The following DOCK2 variants were observed in gnomAD, a reference collection of about 807,000 sequenced individuals.
DOCK2 encodes dedicator of cytokinesis protein 2.
A neutral mutation model predicts 248.9 loss-of-function variants in DOCK2; 87 were observed. The ratio of observed to expected loss-of-function variants is 0.35; its 90% CI spans 0.29 to 0.42. The LOEUF is 0.42. Ranked by LOEUF, DOCK2 falls within the 10% of genes least tolerant of loss-of-function variation. The pLI is 1.00. For synonymous variants in DOCK2, 805 were observed against 821.6 expected, an observed-to-expected ratio of 0.98 and a Z score of 0.35; for missense variants, 1,747 against 2,300.2, an observed-to-expected ratio of 0.76 and a Z score of 4.92.
At chr5:169,903,490 C>A (rs1774072513) in intron 27 of DOCK2, among the ~76,000 whole-genome samples, 1 of 137,040 alleles carries the variant, frequency 7.3e-6, no homozygotes, top group Admixed American at 7.7e-5. Context: ...GCAGGGTTGT[C>A]TATTGTGAGC....
At chr5:170,012,353 G>A (rs188301414) in intron 32 of DOCK2, among the ~76,000 whole-genome samples, 39 of 152,226 alleles carry the variant, frequency 2.6e-4, no homozygotes, top group African/African-American at 8.9e-4. Context: ...TTTTTTCAAA[G>A]ATGACTGATA....
Position 169,708,181 on chromosome 5 carries a change from G to C in DOCK2, c.1396G>C (p.Val466Leu), listed in dbSNP as rs200560235. ...TTTCTTGGGTCAGAATGCAATTTGC[G>C]TGGGAGCAGGGGACAAGCCCATGAA... ...DGKTLPNAIC[V>L]GAGDKPMNEY... Residue 466 changes from valine to leucine, a missense_variant, in exon 15 of 52, where the codon GTG becomes CTG. By Grantham distance (32) the Val-to-Leu change is conservative. Transcript: ENST00000520908. The C allele has an allele frequency of 6.2e-7, 1 of 1,613,882 alleles. No homozygotes were observed. Among genetic ancestry groups the C allele is most frequent in the Admixed American group, 1.7e-5 (1 of 60,000 alleles).
At position 169,747,380 on chromosome 5, in the gene DOCK2, A is replaced by C; in HGVS notation, c.2268-16A>C. The C allele has an allele frequency of 6.2e-7, 1 of 1,606,492 alleles. No homozygotes were observed. The highest frequency in any genetic ancestry group is 8.5e-7 in the Non-Finnish European group (1 of 1,176,118). On this transcript the variant is annotated splice_polypyrimidine_tract_variant and intron_variant, in intron 22 of 51. Coordinates refer to ENST00000520908, the MANE Select transcript of DOCK2 (RefSeq NM_004946.3). ...TCTGTTAGCTTGAGAAATGACCCAG[A>C]TGTATCTTGTTTCAGGCTTTATGAA... is the stretch of plus-strand genomic sequence containing the variant.
intron 1 of DOCK2, among the ~76,000 whole-genome samples, chr5:169,646,821 T>C (rs1487596265): frequency 6.6e-6 from 1 of 152,248 alleles, no homozygotes; most frequent in Non-Finnish European, 1.5e-5. Context: ...ACAATAGGTA[T>C]AGCCAAAGCA....
chr5:169,929,636 G>A (rs1028094794), intron 27 of DOCK2, among the ~76,000 whole-genome samples: 8 of 151,838 alleles, frequency 5.3e-5, no homozygotes, highest in African/African-American at 1.7e-4. Context: ...CCTGCTACTC[G>A]GAGGCTGAGG....
intron 17 of DOCK2, among the ~76,000 whole-genome samples, chr5:169,712,814 A>G (rs1761657819): frequency 1.3e-5 from 2 of 152,222 alleles, no homozygotes; most frequent in South Asian, 4.1e-4. Context: ...TTTTTACATT[A>G]TGAGACTTGG....
intron 27 of DOCK2, among the ~76,000 whole-genome samples, chr5:169,925,421 A>G (rs1400907055): frequency 6.6e-6 from 1 of 152,068 alleles, no homozygotes; most frequent in Non-Finnish European, 1.5e-5. Flanking sequence ...CTTTACTAAA[A>G]TTACAAAAAT....
At chr5:170,011,132 G>T (rs1281659680) in intron 32 of DOCK2, among the ~76,000 whole-genome samples, 2 of 152,134 alleles carry the variant, frequency 1.3e-5, no homozygotes, top group Non-Finnish European at 2.9e-5. Flanking sequence ...TAAGTAAATT[G>T]GATGAAAGCA....
intron 27 of DOCK2, among the ~76,000 whole-genome samples, chr5:169,842,867 G>C (rs17560224): frequency 0.096 from 14,610 of 152,178 alleles, 739 homozygotes; most frequent in African/African-American, 0.12. Flanking sequence ...CCAGTCCTAT[G>C]AGCCTTTTGT....
In DOCK2 at chr5:170,057,581, C is replaced by A; in HGVS notation, c.4382C>A (p.Ser1461Tyr). Residue 1461 changes from serine (S) to tyrosine (Y), a missense_variant and splice_region_variant, in exon 44 of 52, where the codon TCC becomes TAC. Physicochemically the swap from Ser to Tyr is moderately radical, Grantham distance 144 (BLOSUM62 -2). Coordinates refer to ENST00000520908, the MANE Select transcript of DOCK2 (RefSeq NM_004946.3). ...GTVDPENEFA[S>Y]MWIERTSFVT... is the part of the protein sequence containing the mutation. Reference sequence around the variant, plus strand: ...TGCCACCCCTCTGCCCACGGACAGTCCATGTGGATTGAGAGAACCTCCTTC... The same window carrying A: ...TGCCACCCCTCTGCCCACGGACAGTACATGTGGATTGAGAGAACCTCCTTC... 1 of 1,613,890 alleles carries A rather than the reference C, an allele frequency of 6.2e-7. No homozygotes were observed. Among genetic ancestry groups the A allele is most frequent in the Non-Finnish European group, 8.5e-7 (1 of 1,179,774 alleles).
At chr5:169,955,028 A>G (rs565135348) in intron 27 of DOCK2, among the ~76,000 whole-genome samples, 1 of 152,372 alleles carries the variant, frequency 6.6e-6, no homozygotes, top group South Asian at 2.1e-4. Context: ...TTGGAAGAGC[A>G]GTCACAGGTC....
intron 26 of DOCK2, among the ~76,000 whole-genome samples, chr5:169,830,190 T>C (rs960990936): frequency 1.4e-4 from 21 of 152,234 alleles, no homozygotes; most frequent in African/African-American, 5.1e-4. Context: ...AAGCTTTAGA[T>C]TTCCTCATTT....
intron 26 of DOCK2, among the ~76,000 whole-genome samples, chr5:169,835,181 G>A (rs1004840124): frequency 1.1e-4 from 17 of 151,402 alleles, no homozygotes; most frequent in African/African-American, 3.9e-4. Context: ...AAATTATACC[G>A]TAAGTGTATG....
chr5:170,046,467 TC>T (rs1361684059), intron 39 of DOCK2, among the ~76,000 whole-genome samples: 1 of 151,944 alleles, frequency 6.6e-6, no homozygotes, highest in African/African-American at 2.4e-5. Context: ...CTCCCGCCCA[TC>T]CTCCCCACAT....
At chr5:169,721,898 C>T (rs946061145) in intron 22 of DOCK2, among the ~76,000 whole-genome samples, 1 of 152,230 alleles carries the variant, frequency 6.6e-6, no homozygotes, top group Non-Finnish European at 1.5e-5. Flanking sequence ...TCTTGTGTCA[C>T]TAGCTCCTGA....
chr5:169,896,907 G>A (rs1049974588), intron 27 of DOCK2, among the ~76,000 whole-genome samples: 6 of 152,132 alleles, frequency 3.9e-5, no homozygotes, highest in Admixed American at 2.6e-4. Context: ...AGTTAATAAA[G>A]AGGAGAAAAA....
rs188312679 is a variant in DOCK2, at chr5:169,763,855, G to A, written c.2554+2230G>A. On this transcript the variant is annotated intron_variant, in intron 25 of 51. Transcript: ENST00000520908. The surrounding 1 kb of genome is among the most constrained non-coding windows in gnomAD (Gnocchi z 4.1). ...AAGTGTAATTAGTGTAGCCACGCTC[G>A]GCTCACATGTGAAAGTCGTATGACC... 4.6e-5 allele frequency among the ~76,000 whole-genome samples: 7 copies of A among 152,310 alleles called. No homozygotes were observed. The highest frequency in any genetic ancestry group is 1.7e-4 in the African/African-American group (7 of 41,560).
At chr5:169,661,804 A>G (rs1758462954) in intron 2 of DOCK2, among the ~76,000 whole-genome samples, 1 of 152,204 alleles carries the variant, frequency 6.6e-6, no homozygotes, top group South Asian at 2.1e-4. Context: ...TCCTTTTTAA[A>G]GGGTGAATAA....
At chr5:169,821,100 A>G (rs1215712361) in intron 26 of DOCK2, among the ~76,000 whole-genome samples, 1 of 152,206 alleles carries the variant, frequency 6.6e-6, no homozygotes, top group African/African-American at 2.4e-5. Context: ...ACAAACCTTC[A>G]AAGAAATATG....
Sources: allele counts gnomAD v4.1 joint callset (sites outside exome capture counted in the v4.1 genomes callset), GRCh38; gene constraint gnomAD v4.1.1; non-coding constraint Gnocchi (gnomAD v3.1); transcripts MANE v1.5; gene names NCBI Gene and HGNC (gene_info 2026-07-23, HGNC 2026-07-21).